The following CDH18 variants were observed in gnomAD, a reference collection of about 807,000 sequenced individuals.
CDH18 encodes the protein cadherin 18.
Under a neutral mutation model 67.9 loss-of-function variants are expected in CDH18, and 31 were observed. That is an observed-to-expected ratio of 0.46 (90% CI 0.34 to 0.62). The LOEUF (loss-of-function observed/expected upper bound fraction) is 0.62. Ranked by LOEUF, CDH18 falls within the 20% of genes least tolerant of loss-of-function variation. The probability of loss-of-function intolerance (pLI) is 0.01; values close to 1 mark genes in which losing one functional copy is unlikely to be tolerated. For synonymous variants in CDH18, 362 were observed against 347.2 expected, an observed-to-expected ratio of 1.04 and a Z score of -0.48; for missense variants, 890 against 975.5, an observed-to-expected ratio of 0.91 and a Z score of 1.17.
rs368890245 is a variant in CDH18, at chr5:19,845,436, T to A, written c.-256-6194A>T. Among the ~76,000 whole-genome samples the A allele has an allele frequency of 2.0e-5, 3 of 152,170 alleles. No homozygotes were observed. In the East Asian group the frequency reaches 5.8e-4, roughly 29 times the overall value. ...ACTTGTTTTGTGGCCCAACACGTGA[T>A]CTATCCTGGAAAATGGTTCATTTCT... On this transcript the variant is annotated intron_variant, in intron 2 of 12. Transcript: ENST00000382275.
chr5:20,477,342 A>G (rs936795994), intron 1 of CDH18, among the ~76,000 whole-genome samples: 2 of 152,194 alleles, frequency 1.3e-5, no homozygotes, highest in Non-Finnish European at 2.9e-5. Context: ...CAGGTAGGCA[A>G]TAACAGTACC....
chr5:20,147,859 C>A (rs548339668), intron 2 of CDH18, among the ~76,000 whole-genome samples: 2 of 152,124 alleles, frequency 1.3e-5, no homozygotes, highest in Non-Finnish European at 2.9e-5. Context: ...GTTCTACTTA[C>A]CAATGTGAAT....
chr5:20,125,525 A>T (rs916573637), intron 2 of CDH18, among the ~76,000 whole-genome samples: 1 of 152,142 alleles, frequency 6.6e-6, no homozygotes, highest in African/African-American at 2.4e-5. Context: ...TCATTGGGGA[A>T]AAAAAGACTA....
At chr5:19,918,791 A>T (rs1419350636) in intron 2 of CDH18, among the ~76,000 whole-genome samples, 6 of 152,158 alleles carry the variant, frequency 3.9e-5, no homozygotes, top group African/African-American at 9.7e-5. Flanking sequence ...TTTCTGACAC[A>T]CTTTCCTTCT....
chr5:20,221,022 G>A (rs1022771837), intron 2 of CDH18, among the ~76,000 whole-genome samples: 1 of 151,946 alleles, frequency 6.6e-6, no homozygotes, highest in African/African-American at 2.4e-5. Context: ...ACCGTTGGTG[G>A]GTGTGTAAAT....
intron 2 of CDH18, among the ~76,000 whole-genome samples, chr5:20,136,858 G>A (rs957786524): frequency 6.6e-6 from 1 of 152,098 alleles, no homozygotes; most frequent in Non-Finnish European, 1.5e-5. Flanking sequence ...AGCTTAGTTT[G>A]GTTGGATACG....
intron 3 of CDH18, among the ~76,000 whole-genome samples, chr5:19,750,988 G>A (rs1041339073): frequency 4.6e-5 from 7 of 151,934 alleles, no homozygotes; most frequent in African/African-American, 1.5e-4. Context: ...TTTAGAGAAC[G>A]GCAAAGGAAT....
chr5:19,516,781 G>T (rs1310630304), intron 10 of CDH18, among the ~76,000 whole-genome samples: 1 of 149,784 alleles, frequency 6.7e-6, no homozygotes, highest in Non-Finnish European at 1.5e-5. Flanking sequence ...CAATTTTGTT[G>T]ATCTTTTCAA....
At chr5:20,253,204 T>C (rs1237266753) in intron 2 of CDH18, among the ~76,000 whole-genome samples, 1 of 152,090 alleles carries the variant, frequency 6.6e-6, no homozygotes, top group African/African-American at 2.4e-5. Flanking sequence ...CACTGGCACA[T>C]AAAGATCTTG....
chr5:19,816,050 C>A (rs369663671), intron 3 of CDH18, among the ~76,000 whole-genome samples: 1 of 151,776 alleles, frequency 6.6e-6, no homozygotes. Flanking sequence ...AGATAGAGAA[C>A]GTCATTCTTT....
intron 2 of CDH18, among the ~76,000 whole-genome samples, chr5:20,046,434 G>A (rs1740899863): frequency 6.6e-6 from 1 of 151,580 alleles, no homozygotes; most frequent in Non-Finnish European, 1.5e-5. Flanking sequence ...GGTGCATATG[G>A]GCCAGTAGTT....
chr5:19,588,674 C>T (rs936983818), intron 7 of CDH18, among the ~76,000 whole-genome samples: 21 of 152,026 alleles, frequency 1.4e-4, no homozygotes, highest in Admixed American at 1.3e-3. Context: ...CGTGCAAAGA[C>T]ACTTATGGGC....
chr5:19,648,014 A>T (rs1337129492), intron 5 of CDH18, among the ~76,000 whole-genome samples: 1 of 152,192 alleles, frequency 6.6e-6, no homozygotes, highest in Non-Finnish European at 1.5e-5. Context: ...TGTTTTCAAG[A>T]CAATTGAAGG....
chr5:19,591,564 A>G (rs1218578632), intron 6 of CDH18, among the ~76,000 whole-genome samples: 1 of 152,152 alleles, frequency 6.6e-6, no homozygotes, highest in South Asian at 2.1e-4. Flanking sequence ...CCAAAACTGA[A>G]TTAGTCAAGT....
At chr5:20,147,660 G>T (rs1472044671) in intron 2 of CDH18, among the ~76,000 whole-genome samples, 1 of 151,928 alleles carries the variant, frequency 6.6e-6, no homozygotes, top group Non-Finnish European at 1.5e-5. Flanking sequence ...TCTTTATAAA[G>T]ATATTTTACC....
At chr5:19,913,518 A>G (rs916097204) in intron 2 of CDH18, among the ~76,000 whole-genome samples, 5 of 152,188 alleles carry the variant, frequency 3.3e-5, no homozygotes, top group African/African-American at 1.2e-4. Context: ...GTAACAAACT[A>G]AACAGTTTTT....
chr5:19,711,626 G>T (rs1218983237), intron 5 of CDH18, among the ~76,000 whole-genome samples: 1 of 134,938 alleles, frequency 7.4e-6, no homozygotes, highest in Non-Finnish European at 1.6e-5. Context: ...GCTTACACAA[G>T]TCAGAATGAC....
intron 5 of CDH18, among the ~76,000 whole-genome samples, chr5:19,689,468 C>T (rs1761558410): frequency 6.6e-6 from 1 of 151,952 alleles, no homozygotes; most frequent in South Asian, 2.1e-4. Flanking sequence ...ATAGTCTTTC[C>T]CAGACAAGCA....
Position 19,693,806 on chromosome 5 carries a change from G to T in CDH18, c.643+27541C>A, listed in dbSNP as rs139716286. On this transcript the variant is annotated intron_variant, in intron 5 of 12. Transcript: ENST00000382275. ...AGCTACTCGGGAGGCTGAGGCAAGA[G>T]AATCGCTTGAACCTGAGAGCTGGAG... Among the ~76,000 whole-genome samples, 194 of 150,400 alleles carry T rather than the reference G, an allele frequency of 1.3e-3. 1 individual carries two copies. Among genetic ancestry groups the T allele is most frequent in the African/African-American group, 4.6e-3 (188 of 40,846 alleles).
Sources: gnomAD v4.1 joint callset for allele counts (sites outside exome capture counted in the v4.1 genomes callset) on GRCh38, gnomAD v4.1.1 for gene constraint, MANE v1.5 for transcripts, NCBI Gene and HGNC (gene_info 2026-07-23, HGNC 2026-07-21) for gene names.